The following MEGF10 variants were observed in gnomAD, a reference collection of about 807,000 sequenced individuals.
The protein encoded by MEGF10 is multiple EGF like domains 10.
Under a neutral mutation model 147.5 loss-of-function variants are expected in MEGF10, and 86 were observed. That is an observed-to-expected ratio of 0.58 (90% CI 0.49 to 0.70). MEGF10 has a LOEUF of 0.70. Among genes scored for constraint, MEGF10 ranks in the 30% least tolerant of loss-of-function variants. MEGF10 has a pLI of 0.00. For synonymous variants in MEGF10, 478 were observed against 525.5 expected (o/e 0.91, Z 1.24); for missense variants, 1,329 against 1,487.3 (o/e 0.89, Z 1.75).
the MEGF10 span, among the ~76,000 whole-genome samples, chr5:127,259,848 C>A: frequency 6.6e-6 from 1 of 152,106 alleles, no homozygotes; most frequent in Non-Finnish European, 1.5e-5. Flanking sequence ...GTGAAACTAG[C>A]TTATACTGTA....
At chr5:127,434,906 G>A in intron 15 of MEGF10, 85 bp downstream of exon 15, 2 of 1,494,532 alleles carry the variant, frequency 1.3e-6, no homozygotes, top group South Asian at 2.7e-5. Flanking sequence ...TGGCCTTCCT[G>A]AAGGCCATGT....
intron 6 of MEGF10, among the ~76,000 whole-genome samples, chr5:127,397,006 C>T (rs1221337022): frequency 6.6e-6 from 1 of 152,166 alleles, no homozygotes; most frequent in Non-Finnish European, 1.5e-5. Flanking sequence ...GGTCAGCTTC[C>T]ATGCTTTCCT....
At chr5:127,297,189 A>G (rs1759541926) in intron 1 of MEGF10, among the ~76,000 whole-genome samples, 1 of 151,964 alleles carries the variant, frequency 6.6e-6, no homozygotes, top group African/African-American at 2.4e-5. Flanking sequence ...CTGGTCTCGA[A>G]CTCCTGACCT....
intron 14 of MEGF10, among the ~76,000 whole-genome samples, chr5:127,434,277 G>A (rs1359342715): frequency 6.6e-6 from 1 of 152,088 alleles, no homozygotes; most frequent in East Asian, 1.9e-4. Flanking sequence ...GATTTTTATT[G>A]CCAGAAACGA....
chr5:127,376,351 G>C (rs963831561), intron 5 of MEGF10, among the ~76,000 whole-genome samples: 7 of 152,194 alleles, frequency 4.6e-5, no homozygotes, highest in Non-Finnish European at 4.4e-5. Flanking sequence ...AGACTGGGTT[G>C]AGAGAGTGGA....
At chr5:127,258,225 A>G in the MEGF10 span, among the ~76,000 whole-genome samples, 1 of 152,218 alleles carries the variant, frequency 6.6e-6, no homozygotes, top group Non-Finnish European at 1.5e-5. Flanking sequence ...TGTTAGCATC[A>G]GTCATTCTCT....
chr5:127,258,801 G>A, the MEGF10 span, among the ~76,000 whole-genome samples: 1 of 152,116 alleles, frequency 6.6e-6, no homozygotes, highest in Non-Finnish European at 1.5e-5. Context: ...GTAACAAGAA[G>A]GCAGCTTGCA....
At chr5:127,348,171 T>C (rs1191477745) in intron 4 of MEGF10, among the ~76,000 whole-genome samples, 1 of 152,108 alleles carries the variant, frequency 6.6e-6, no homozygotes, top group African/African-American at 2.4e-5. Context: ...ACTGACTTGC[T>C]AAACTATGCA....
At chr5:127,279,501 T>C in the MEGF10 span, among the ~76,000 whole-genome samples, 1 of 152,030 alleles carries the variant, frequency 6.6e-6, no homozygotes, top group Non-Finnish European at 1.5e-5. Flanking sequence ...TTCTCAGAAA[T>C]AGTGTTGGAG....
chr5:127,434,695 C>G lies in MEGF10; in HGVS notation c.1849C>G (p.Pro617Ala). 6.2e-7 allele frequency: 1 copy of G among 1,611,700 alleles called. No homozygotes were observed. The change falls in exon 15 of 25, where the codon CCT becomes GCT. Residue 617 changes from proline (P) to alanine (A), a missense_variant. Physicochemically the swap from Pro to Ala is conservative, Grantham distance 27. Coordinates refer to ENST00000503335, the MANE Select transcript of MEGF10 (RefSeq NM_001256545.2). ...TTCCCTTCTGTTTTCAGTCTGCTCC[C>G]CTGGTTTTTATGGGCATCGCTGCAG... ...RGTTCQRICSPGFYGHRCSQT... is the reference protein window; with the variant it reads ...RGTTCQRICSAGFYGHRCSQT...
intron 5 of MEGF10, among the ~76,000 whole-genome samples, chr5:127,380,971 A>T (rs549150965): frequency 6.6e-6 from 1 of 152,330 alleles, no homozygotes; most frequent in Admixed American, 6.5e-5. Flanking sequence ...TCAAGAGAGA[A>T]AAAATTATAA....
intron 1 of MEGF10, among the ~76,000 whole-genome samples, chr5:127,296,925 G>A (rs899689642): frequency 4.6e-5 from 7 of 152,102 alleles, no homozygotes; most frequent in African/African-American, 1.7e-4. Flanking sequence ...AAAAGTAATA[G>A]GTTGGAGAGT....
At chr5:127,410,663 A>G in intron 9 of MEGF10, 62 bp downstream of exon 9, 1 of 1,427,066 alleles carries the variant, frequency 7.0e-7, no homozygotes, top group Non-Finnish European at 9.5e-7. Flanking sequence ...GGTTTTCAGG[A>G]TTTGGAAGGA....
chr5:127,343,205 T>C (rs1761750473), intron 4 of MEGF10, among the ~76,000 whole-genome samples: 1 of 152,180 alleles, frequency 6.6e-6, no homozygotes, highest in African/African-American at 2.4e-5. Context: ...CCAAGATAAA[T>C]TAAACACAGG....
chr5:127,247,318 GA>G, the MEGF10 span, among the ~76,000 whole-genome samples: 2 of 85,668 alleles, frequency 2.3e-5, 1 homozygote, highest in Admixed American at 3.0e-4. Flanking sequence ...GAGAAAGAGA[GA>G]GAAGAAGAAG....
chr5:127,252,605 G>T, the MEGF10 span, among the ~76,000 whole-genome samples: 3 of 151,832 alleles, frequency 2.0e-5, no homozygotes, highest in Non-Finnish European at 4.4e-5. Flanking sequence ...ATGTGAGGGT[G>T]TAGGAAAAAT....
intron 13 of MEGF10, among the ~76,000 whole-genome samples, chr5:127,432,811 T>C (rs941948354): frequency 2.0e-5 from 3 of 152,192 alleles, no homozygotes; most frequent in African/African-American, 4.8e-5. Flanking sequence ...ATCTCTCCAA[T>C]GTCAGGTAAG....
upstream of MEGF10, among the ~76,000 whole-genome samples, chr5:127,285,973 T>C (rs755108671): frequency 6.6e-6 from 1 of 152,096 alleles, no homozygotes; most frequent in East Asian, 1.9e-4. Context: ...GGAATACTAT[T>C]CGGCCATAAA....
At chr5:127,244,026 G>A in the MEGF10 span, among the ~76,000 whole-genome samples, 3 of 151,208 alleles carry the variant, frequency 2.0e-5, no homozygotes, top group Admixed American at 6.6e-5. Context: ...GAGAAACCCC[G>A]TCTCTACTAA....
Sources: allele counts gnomAD v4.1 joint callset (sites outside exome capture counted in the v4.1 genomes callset), GRCh38; gene constraint gnomAD v4.1.1; transcripts MANE v1.5; gene names NCBI Gene and HGNC (gene_info 2026-07-23, HGNC 2026-07-21).